The following TANC2 variants were observed in gnomAD, a reference collection of about 807,000 sequenced individuals.
TANC2 encodes protein TANC2.
Under a neutral mutation model 210.5 loss-of-function variants are expected in TANC2, and 26 were observed. The ratio of observed to expected loss-of-function variants is 0.12; its 90% CI spans 0.09 to 0.17. The LOEUF is 0.17. Ranked by LOEUF, TANC2 falls within the 10% of genes least tolerant of loss-of-function variation. The pLI, the probability that TANC2 is intolerant of heterozygous loss-of-function variation, is 1.00. For synonymous variants in TANC2, 931 were observed against 967.1 expected, an observed-to-expected ratio of 0.96 and a Z score of 0.69; for missense variants, 2,129 against 2,608.9, an observed-to-expected ratio of 0.82 and a Z score of 4.01.
chr17:63,138,488 A>G (rs1455228155), intron 4 of TANC2, among the ~76,000 whole-genome samples: 2 of 152,112 alleles, frequency 1.3e-5, no homozygotes, highest in African/African-American at 2.4e-5. Context: ...TTTCTTTTGT[A>G]TTAGTGCTAA....
At chr17:63,126,542 G>A (rs754758367) in intron 4 of TANC2, among the ~76,000 whole-genome samples, 2 of 152,040 alleles carry the variant, frequency 1.3e-5, no homozygotes, top group African/African-American at 2.4e-5. Flanking sequence ...CCAAGTAGCT[G>A]GGACTACAGG....
At chr17:63,285,317 C>A (rs902148066) in intron 9 of TANC2, among the ~76,000 whole-genome samples, 5 of 151,914 alleles carry the variant, frequency 3.3e-5, no homozygotes, top group African/African-American at 1.2e-4. Context: ...CTCTATTTTG[C>A]TATCACATTT....
rs150114438 is a variant in TANC2 at position 63,415,681 on chromosome 17, C to T, written c.4167+7C>T. ...GTGTCGCAGGAAAATGAACGTAAGT[C>T]CCTGTCACCCCAACTCCTTTCTGCA... On this transcript the variant is annotated splice_region_variant and intron_variant, in intron 26 of 27. Coordinates refer to ENST00000689528, the Ensembl canonical transcript of TANC2. 3 of 1,611,564 alleles carry T rather than the reference C, an allele frequency of 1.9e-6. No individual in the cohort carries two copies. The highest frequency in any genetic ancestry group is 2.5e-6 in the Non-Finnish European group (3 of 1,178,746).
intron 2 of TANC2, among the ~76,000 whole-genome samples, chr17:63,034,769 C>T (rs1310933231): frequency 1.3e-5 from 2 of 151,962 alleles, no homozygotes; most frequent in African/African-American, 2.4e-5. Context: ...AACTAGGATT[C>T]GAAATACAGC....
chr17:63,216,360 C>T (rs2042026783), intron 7 of TANC2, among the ~76,000 whole-genome samples: 1 of 152,080 alleles, frequency 6.6e-6, no homozygotes, highest in Non-Finnish European at 1.5e-5. Flanking sequence ...GCTCCACACA[C>T]TTTCATACCT....
At chr17:63,003,154 C>T (rs1301902271) in intron 1 of TANC2, among the ~76,000 whole-genome samples, 1 of 152,132 alleles carries the variant, frequency 6.6e-6, no homozygotes, top group African/African-American at 2.4e-5. Flanking sequence ...AAAGTTAGCT[C>T]TTCTGGTGGG....
At chr17:63,181,951 G>A (rs2040799523) in intron 5 of TANC2, among the ~76,000 whole-genome samples, 1 of 152,204 alleles carries the variant, frequency 6.6e-6, no homozygotes, top group African/African-American at 2.4e-5. Context: ...CCAGTGAGGT[G>A]TAGGTAGTAG....
intron 2 of TANC2, among the ~76,000 whole-genome samples, chr17:63,047,098 G>A (rs749762476): frequency 8.5e-5 from 13 of 152,118 alleles, no homozygotes; most frequent in African/African-American, 2.4e-4. Context: ...CTTCATATAC[G>A]AAGGCAGGGA....
intron 5 of TANC2, among the ~76,000 whole-genome samples, chr17:63,178,496 G>GA (rs1306178598): frequency 7.2e-5 from 11 of 152,156 alleles, no homozygotes; most frequent in African/African-American, 2.7e-4. Flanking sequence ...GACAAATTGC[G>GA]GCCCCTGCTT....
intron 19 of TANC2, among the ~76,000 whole-genome samples, chr17:63,400,713 G>A (rs1455767058): frequency 6.6e-6 from 1 of 151,248 alleles, no homozygotes; most frequent in African/African-American, 2.4e-5. Context: ...ACACAATCTC[G>A]GCTCACTGCA....
rs558600263 is a variant in TANC2 at position 63,279,145 on chromosome 17, G to T, written c.1159+11272G>T. Among the ~76,000 whole-genome samples the T allele has an allele frequency of 1.1e-3, 169 of 152,200 alleles. 2 individuals are homozygous for T. Among genetic ancestry groups the T allele is most frequent in the African/African-American group, 3.8e-3 (156 of 41,530 alleles). ...AAACATCAGGAGTAGGCAACAGATG[G>T]CACTGAAACGTGAAGGTGAGGGGAA... On this transcript the variant is annotated intron_variant, in intron 9 of 27. Coordinates refer to ENST00000689528, the Ensembl canonical transcript of TANC2.
chr17:62,977,542 A>G (rs1650534116), intron 1 of TANC2, among the ~76,000 whole-genome samples: 1 of 152,136 alleles, frequency 6.6e-6, no homozygotes, highest in Non-Finnish European at 1.5e-5. Flanking sequence ...GATATGTTAA[A>G]TGTAGGCATT....
At chr17:63,056,022 T>TGC (rs1555769620) in intron 2 of TANC2, among the ~76,000 whole-genome samples, 49 of 101,278 alleles carry the variant, frequency 4.8e-4, no homozygotes, top group Non-Finnish European at 8.1e-4. Flanking sequence ...TATATATATA[T>TGC]ATGCCAGGGG....
intron 1 of TANC2, among the ~76,000 whole-genome samples, chr17:63,006,601 A>C (rs1246231543): frequency 6.6e-6 from 1 of 152,122 alleles, no homozygotes; most frequent in Non-Finnish European, 1.5e-5. Flanking sequence ...TTCTAGCTTA[A>C]TTGCTTTGTG....
At chr17:63,021,117 C>T (rs972779984) in intron 2 of TANC2, among the ~76,000 whole-genome samples, 4 of 152,146 alleles carry the variant, frequency 2.6e-5, no homozygotes, top group Admixed American at 2.6e-4. Flanking sequence ...CAAACCATGT[C>T]ACTGGAATTT....
At chr17:63,388,754 A>G in exon 16 of TANC2, 1 of 1,525,942 alleles carries the variant, frequency 6.6e-7, no homozygotes, top group South Asian at 1.3e-5. Flanking sequence ...CTCCAAATAT[A>G]AAGGTAAATT....
At chr17:63,247,480 A>G (rs2042949132) in intron 8 of TANC2, among the ~76,000 whole-genome samples, 1 of 109,746 alleles carries the variant, frequency 9.1e-6, no homozygotes, top group Non-Finnish European at 1.8e-5. Context: ...CTCTTCCCCT[A>G]CTCATGTTAA....
intron 4 of TANC2, chr17:63,130,988 A>G (rs1166263440): frequency 1.3e-5 from 2 of 152,228 alleles, no homozygotes; most frequent in African/African-American, 2.4e-5. Flanking sequence ...AGCAGAGTTT[A>G]TAAGAGTCAA....
intron 8 of TANC2, among the ~76,000 whole-genome samples, chr17:63,242,822 A>G (rs1379106646): frequency 6.6e-6 from 1 of 152,216 alleles, no homozygotes; most frequent in Non-Finnish European, 1.5e-5. Flanking sequence ...AATTATGGAT[A>G]CCACAGCAAC....
Sources: allele counts gnomAD v4.1 joint callset (sites outside exome capture counted in the v4.1 genomes callset), GRCh38; gene constraint gnomAD v4.1.1; transcripts MANE v1.5; gene names NCBI Gene and HGNC (gene_info 2026-07-23, HGNC 2026-07-21).